ANKRD30B: variants seen among roughly 807,000 people sequenced by gnomAD.
ANKRD30B encodes ankyrin repeat domain-containing protein 30B.
In ANKRD30B, 144 loss-of-function variants were observed where a neutral mutation model predicts 202.2. That is an observed-to-expected ratio of 0.71 (90% confidence interval 0.62 to 0.82). The LOEUF is 0.82. Ranked by LOEUF, ANKRD30B falls within the 40% of genes least tolerant of loss-of-function variation. The probability of loss-of-function intolerance (pLI) is 0.00; values close to 1 mark genes in which losing one functional copy is unlikely to be tolerated. For missense variants in ANKRD30B, 1,487 were observed against 1,669.1 expected, an observed-to-expected ratio of 0.89 and a Z score of 1.90; for synonymous variants, 508 against 561.3, an observed-to-expected ratio of 0.91 and a Z score of 1.34.
chr18:14,768,394 A>G (rs1227487149), intron 7 of ANKRD30B, among the ~76,000 whole-genome samples: 3 of 152,134 alleles, frequency 2.0e-5, no homozygotes, highest in East Asian at 3.9e-4. Flanking sequence ...GGGGCACTCT[A>G]GTACGTTAAT....
At chr18:14,845,773 T>A (rs1971612867) in intron 39 of ANKRD30B, among the ~76,000 whole-genome samples, 1 of 152,208 alleles carries the variant, frequency 6.6e-6, no homozygotes, top group Non-Finnish European at 1.5e-5. Context: ...GATCAAGTTA[T>A]CATCAGATTT....
At chr18:14,823,703 G>A (rs557455691) in intron 32 of ANKRD30B, among the ~76,000 whole-genome samples, 1 of 152,156 alleles carries the variant, frequency 6.6e-6, no homozygotes, top group African/African-American at 2.4e-5. Context: ...GCTGTGCATG[G>A]TGGCACATGC....
chr18:14,840,367 G>A (rs1971365004), intron 36 of ANKRD30B, among the ~76,000 whole-genome samples: 1 of 152,004 alleles, frequency 6.6e-6, no homozygotes, highest in East Asian at 1.9e-4. Context: ...GTGAAACCCT[G>A]TCTCTATTAA....
At chr18:14,930,795 C>T in the ANKRD30B span, among the ~76,000 whole-genome samples, 1 of 152,314 alleles carries the variant, frequency 6.6e-6, no homozygotes, top group African/African-American at 2.4e-5. Context: ...CTCTGCTGGT[C>T]CTCACAGATC....
intron 40 of ANKRD30B, among the ~76,000 whole-genome samples, chr18:14,849,722 C>T (rs533547436): frequency 3.9e-4 from 59 of 151,646 alleles, no homozygotes; most frequent in African/African-American, 1.3e-3. Context: ...ATATTAGACT[C>T]TTTAATCTAG....
chr18:14,896,316 A>T, the ANKRD30B span, among the ~76,000 whole-genome samples: 3 of 152,052 alleles, frequency 2.0e-5, no homozygotes, highest in African/African-American at 7.2e-5. Context: ...TATTTTTAGT[A>T]GAGACGAGGT....
chr18:14,816,400 C>T (rs1030420117), intron 30 of ANKRD30B: 5 of 152,066 alleles, frequency 3.3e-5, no homozygotes, highest in African/African-American at 1.2e-4. Context: ...AATCCCAGCC[C>T]TTTGGGAGGC....
At position 14,752,651 on chromosome 18, in the gene ANKRD30B, G is replaced by C. The variant is rs1341262594; in HGVS notation, c.307G>C (p.Asp103His). The C allele has an allele frequency of 6.2e-7, 1 of 1,608,222 alleles. No homozygotes were observed. The highest frequency in any genetic ancestry group is 1.3e-5 in the African/African-American group (1 of 74,856). ...CAGAAAGTGCCAGCTTAATGTCCTT[G>C]ATGGCGAAGGGAGGACACCTCTGAT... ...VDRKCQLNVL[D>H]GEGRTPLMKA... The change falls in exon 2 of 44, where the codon GAT becomes CAT. Residue 103 changes from aspartate (D) to histidine (H), a missense_variant. By Grantham distance (81) the Asp-to-His change is moderately conservative. Around this residue, in one of 6 missense-constraint regions of ANKRD30B, gnomAD observed 889 missense variants for 841.4 expected, o/e 1.06. Transcript: ENST00000690538.
At chr18:14,791,637 G>A (rs549197691) in intron 16 of ANKRD30B, 146 bp downstream of exon 16, 18 of 626,642 alleles carry the variant, frequency 2.9e-5, no homozygotes, top group East Asian at 2.4e-4. Context: ...TAAGTTATAC[G>A]TCTTATCAGG....
chr18:14,898,616 C>T, the ANKRD30B span, among the ~76,000 whole-genome samples: 1 of 152,116 alleles, frequency 6.6e-6, no homozygotes, highest in East Asian at 1.9e-4. Flanking sequence ...ATTTATTAAA[C>T]ATTCGATTCC....
chr18:14,797,058 A>G (rs1968951652), intron 18 of ANKRD30B, among the ~76,000 whole-genome samples: 1 of 152,224 alleles, frequency 6.6e-6, no homozygotes, highest in African/African-American at 2.4e-5. Flanking sequence ...AAAGCTGGTT[A>G]CAAACAATCC....
At chr18:14,878,920 C>T in the ANKRD30B span, among the ~76,000 whole-genome samples, 1 of 152,200 alleles carries the variant, frequency 6.6e-6, no homozygotes, top group South Asian at 2.1e-4. Flanking sequence ...GCTACCCAGT[C>T]ACCCTCTTGC....
chr18:14,816,665 T>G (rs1345037621), intron 30 of ANKRD30B: 1 of 151,088 alleles, frequency 6.6e-6, no homozygotes, highest in Non-Finnish European at 1.5e-5. Flanking sequence ...AAAAAAGAAT[T>G]TATTTATTGT....
intron 16 of ANKRD30B, among the ~76,000 whole-genome samples, chr18:14,793,288 A>C (rs192264277): frequency 0.011 from 1,733 of 152,236 alleles, 27 homozygotes; most frequent in Non-Finnish European, 0.014. Flanking sequence ...TCTCATCCGA[A>C]CTGTGTACTT....
intron 11 of ANKRD30B, 131 bp from the exon 12 acceptor site, chr18:14,782,396 A>T: frequency 1.6e-6 from 1 of 633,360 alleles, no homozygotes; most frequent in Non-Finnish European, 2.6e-6. Flanking sequence ...CGTGATTTTC[A>T]ATATGTGCCT....
the ANKRD30B span, among the ~76,000 whole-genome samples, chr18:14,864,857 C>T: frequency 4.6e-5 from 7 of 151,596 alleles, no homozygotes; most frequent in Admixed American, 3.3e-4. Flanking sequence ...ATTTTCCCGC[C>T]GTCTTTTTGC....
chr18:14,810,218 AAT>A (rs1311260562), intron 28 of ANKRD30B, 38 bp downstream of exon 28: 3 of 1,205,508 alleles, frequency 2.5e-6, no homozygotes, highest in Non-Finnish European at 3.4e-6. Context: ...TGGAATTAAG[AAT>A]ATTAAACTAT....
chr18:14,905,711 G>T, the ANKRD30B span: 2 of 152,154 alleles, frequency 1.3e-5, no homozygotes, highest in Non-Finnish European at 2.9e-5. Flanking sequence ...AAAAGGCTTT[G>T]CAGGGCCATT....
intron 5 of ANKRD30B, among the ~76,000 whole-genome samples, chr18:14,759,528 A>G (rs908175577): frequency 6.6e-6 from 1 of 152,240 alleles, no homozygotes; most frequent in African/African-American, 2.4e-5. Context: ...AACTTACAAA[A>G]AATAAAGGTA....
Sources: gnomAD v4.1 joint callset for allele counts (sites outside exome capture counted in the v4.1 genomes callset) on GRCh38, gnomAD v4.1.1 for gene constraint, gnomAD v4.1.1 regional missense constraint, MANE v1.5 for transcripts, NCBI Gene and HGNC (gene_info 2026-07-23, HGNC 2026-07-21) for gene names.